Variants in CFAP54 observed in about 807,000 individuals in gnomAD.
CFAP54 encodes cilia and flagella associated protein 54.
In CFAP54, 290 loss-of-function variants were observed where a neutral mutation model predicts 370.4. The ratio of observed to expected loss-of-function variants is 0.78; its 90% CI spans 0.71 to 0.86. The LOEUF (loss-of-function observed/expected upper bound fraction) is 0.86, where lower values mean the gene tolerates loss of function less well. CFAP54 is among the 40% of genes least tolerant of loss of function. CFAP54 has a pLI of 0.00. For missense variants in CFAP54, 3,399 were observed against 3,528.7 expected (o/e 0.96, Z 0.93); for synonymous variants, 1,206 against 1,236.5 (o/e 0.98, Z 0.52).
chr12:96,738,653 C>T (rs1458007815), intron 50 of CFAP54, among the ~76,000 whole-genome samples: 2 of 147,120 alleles, frequency 1.4e-5, no homozygotes, highest in South Asian at 2.1e-4. Flanking sequence ...ACTCTGTCGC[C>T]GGGCTGGAGT....
At position 96,630,129 on chromosome 12, in the gene CFAP54, A is replaced by G. The variant is rs1343647203; in HGVS notation, c.4140A>G (p.Lys1380=). 6.7e-7 allele frequency: 1 copy of G among 1,491,222 alleles called. No individual in the cohort carries two copies. The highest frequency in any genetic ancestry group is 9.0e-7 in the Non-Finnish European group (1 of 1,113,150). The allele number at this position is 1,491,222 out of a possible 1,614,324, so 92.4% of individuals were successfully genotyped here. A position where few individuals can be genotyped will look rare whatever the true frequency, so the allele number is the denominator to read the frequency against. Residue 1380 remains lysine (K), a synonymous_variant, in exon 31 of 68, where the codon AAA becomes AAG. Transcript: ENST00000524981. The stretch of plus-strand genomic sequence containing the variant: ...CTCTACTTGGACTAATAAAAGTGAA[A>G]TATAAGGATAGTGCTTTGAATAAAA... ...NESLLGLIKV[K]YKDSALNKKA... is the part of the protein sequence containing the mutation.
At chr12:96,619,904 A>G (rs1956466591) in intron 26 of CFAP54, among the ~76,000 whole-genome samples, 1 of 152,072 alleles carries the variant, frequency 6.6e-6, no homozygotes, top group Admixed American at 6.6e-5. Context: ...AACCCTACCT[A>G]CCTATTCAAA....
At chr12:96,689,051 T>G (rs539415210) in intron 43 of CFAP54, 69 bp downstream of exon 43, 1 of 970,386 alleles carries the variant, frequency 1.0e-6, no homozygotes, top group Admixed American at 2.8e-5. Context: ...AAAAAAAGTT[T>G]ATCATATTCA....
At chr12:96,704,335 G>T (rs1252192430) in intron 46 of CFAP54, among the ~76,000 whole-genome samples, 3 of 150,302 alleles carry the variant, frequency 2.0e-5, no homozygotes, top group Non-Finnish European at 3.0e-5. Flanking sequence ...GCTGAGGCAG[G>T]AGAATGGTGT....
intron 39 of CFAP54, among the ~76,000 whole-genome samples, chr12:96,672,916 T>C (rs1432500880): frequency 6.6e-6 from 1 of 152,144 alleles, no homozygotes; most frequent in African/African-American, 2.4e-5. Context: ...TGATGATAGG[T>C]GCAATATATC....
intron 22 of CFAP54, among the ~76,000 whole-genome samples, chr12:96,582,512 A>G (rs1956042004): frequency 6.6e-6 from 1 of 152,010 alleles, no homozygotes; most frequent in Admixed American, 6.6e-5. Context: ...AATTACTAGG[A>G]TTTGTCTAGT....
At chr12:96,618,269 T>G (rs1326458988) in intron 26 of CFAP54, among the ~76,000 whole-genome samples, 1 of 152,070 alleles carries the variant, frequency 6.6e-6, no homozygotes, top group African/African-American at 2.4e-5. Context: ...AAAAACCAAT[T>G]CAGCTTATCG....
intron 66 of CFAP54, among the ~76,000 whole-genome samples, chr12:96,833,791 T>C (rs1049193469): frequency 1.1e-4 from 17 of 152,230 alleles, no homozygotes; most frequent in Admixed American, 3.9e-4. Flanking sequence ...AATGCAAATA[T>C]TTCTACTGCT....
chr12:96,602,218 G>A (rs1211224480), intron 26 of CFAP54, among the ~76,000 whole-genome samples: 1 of 152,144 alleles, frequency 6.6e-6, no homozygotes, highest in East Asian at 1.9e-4. Context: ...TATTTACCCA[G>A]CAGTCATTCA....
intron 2 of CFAP54, 115 bp from the exon 3 acceptor site, chr12:96,503,771 A>G: frequency 1.1e-6 from 1 of 905,172 alleles, no homozygotes; most frequent in East Asian, 2.9e-5. Flanking sequence ...GCCAGTAGTA[A>G]TGGTATAATT....
At chr12:96,636,997 C>T (rs1307536312) in intron 32 of CFAP54, among the ~76,000 whole-genome samples, 1 of 152,160 alleles carries the variant, frequency 6.6e-6, no homozygotes, top group African/African-American at 2.4e-5. Flanking sequence ...AATTTTAGTA[C>T]ATTTTCATTT....
chr12:96,653,326 CAG>C (rs1346350878), intron 36 of CFAP54, among the ~76,000 whole-genome samples: 2 of 152,162 alleles, frequency 1.3e-5, no homozygotes, highest in African/African-American at 4.8e-5. Flanking sequence ...GGAATGGAAA[CAG>C]AGCGTAAGTG....
At chr12:96,527,520 A>G in intron 9 of CFAP54, 76 bp downstream of exon 9, 1 of 900,328 alleles carries the variant, frequency 1.1e-6, no homozygotes, top group South Asian at 2.3e-5. Flanking sequence ...ATGGTAGTCC[A>G]TACATAGGAA....
intron 11 of CFAP54, 86 bp downstream of exon 11, chr12:96,534,313 C>T (rs1370932405): frequency 1.4e-5 from 11 of 797,020 alleles, no homozygotes; most frequent in South Asian, 6.1e-5. Context: ...ATGTTGAAGG[C>T]GGAGGGAGCA....
At chr12:96,612,117 G>C (rs917979032) in intron 26 of CFAP54, among the ~76,000 whole-genome samples, 21 of 152,156 alleles carry the variant, frequency 1.4e-4, no homozygotes, top group Admixed American at 1.4e-3. Flanking sequence ...TGAAATGAAG[G>C]AAAAAATGTT....
intron 19 of CFAP54, among the ~76,000 whole-genome samples, chr12:96,575,875 G>C (rs925914492): frequency 6.6e-6 from 1 of 151,868 alleles, no homozygotes; most frequent in Non-Finnish European, 1.5e-5. Context: ...TCTTTACATG[G>C]GTTTTTACTT....
chr12:96,850,107 G>A (rs1222118502), intron 66 of CFAP54, among the ~76,000 whole-genome samples: 2 of 151,856 alleles, frequency 1.3e-5, no homozygotes, highest in Non-Finnish European at 2.9e-5. Context: ...AGCCGGGCAC[G>A]GTGGCTCACG....
In CFAP54 at chr12:96,739,647, A is replaced by T. The variant is rs79051439; in HGVS notation, c.6966-309A>T. 4.9e-3 allele frequency among the ~76,000 whole-genome samples: 747 copies of T among 152,250 alleles called. 3 individuals are homozygous for T. Among genetic ancestry groups the T allele is most frequent in the Middle Eastern group, 0.02 (6 of 294 alleles). ...GGAAACGTCACTCCTTTATTCTTCT[A>T]TTCACTCATTTTCATTTAAAAATAT... On this transcript the variant is annotated intron_variant, in intron 50 of 67. Coordinates refer to ENST00000524981, the MANE Select transcript of CFAP54 (RefSeq NM_001306084.2).
intron 19 of CFAP54, among the ~76,000 whole-genome samples, chr12:96,573,256 C>T (rs1265727245): frequency 6.6e-6 from 1 of 152,228 alleles, no homozygotes; most frequent in Non-Finnish European, 1.5e-5. Flanking sequence ...TTGGTCTCTA[C>T]AGCCTGTGAT....
Sources: allele counts gnomAD v4.1 joint callset (sites outside exome capture counted in the v4.1 genomes callset), GRCh38; gene constraint gnomAD v4.1.1; transcripts MANE v1.5; gene names NCBI Gene and HGNC (gene_info 2026-07-23, HGNC 2026-07-21).